USH2A: variants seen among roughly 807,000 people sequenced by gnomAD.
The protein encoded by USH2A is usherin, also known as Usher syndrome 2A (autosomal recessive, mild).
Under a neutral mutation model 538.9 loss-of-function variants are expected in USH2A, and 443 were observed. The observed-to-expected ratio is 0.82, with a 90% CI of 0.76 to 0.89. The LOEUF (loss-of-function observed/expected upper bound fraction) is 0.89. Among genes scored for constraint, USH2A ranks in the 40% least tolerant of loss-of-function variants. The pLI is 0.00. For missense variants in USH2A, 6,633 were observed against 6,324.8 expected (o/e 1.05, Z -1.65); for synonymous variants, 2,413 against 2,273.5 (o/e 1.06, Z -1.75).
At chr1:215,877,681 C>A (rs1040590140) in intron 43 of USH2A, 77 bp downstream of exon 43, 1 of 1,597,662 alleles carries the variant, frequency 6.3e-7, no homozygotes, top group African/African-American at 1.3e-5. Context: ...ACAATGAAGA[C>A]ACTGAGATAC....
At chr1:215,969,705 C>A (rs947671431) in intron 36 of USH2A, among the ~76,000 whole-genome samples, 4 of 152,044 alleles carry the variant, frequency 2.6e-5, no homozygotes, top group African/African-American at 9.7e-5. Flanking sequence ...GCTTGGAAAG[C>A]AACCAATCTC....
chr1:216,038,553 T>C (rs1268881172), intron 32 of USH2A, among the ~76,000 whole-genome samples: 1 of 152,036 alleles, frequency 6.6e-6, no homozygotes, highest in Non-Finnish European at 1.5e-5. Flanking sequence ...GTTTATGGTG[T>C]CAACACTCAG....
At position 216,323,587 on chromosome 1, in the gene USH2A, G is replaced by A. The variant is rs780470999; in HGVS notation, c.1437C>T (p.Phe479=). The A allele has an allele frequency of 1.4e-5, 22 of 1,613,352 alleles. No homozygotes were observed. Among genetic ancestry groups the A allele is most frequent in the South Asian group, 2.2e-5 (2 of 91,070 alleles). The change falls in exon 8 of 72, where the codon TTC becomes TTT. Residue 479 remains phenylalanine, a synonymous_variant. Coordinates refer to ENST00000307340, the MANE Select transcript of USH2A (RefSeq NM_206933.4). ...NFYNTPSLQE[F]VKATQIRFHF... ...GAAACCTTATTTGCGTGGCTTTTAC[G>A]AACTCTTGAAGAGATGGGGTATTAT... is the stretch of plus-strand genomic sequence containing the variant.
intron 32 of USH2A, among the ~76,000 whole-genome samples, chr1:216,005,143 T>C (rs570484638): frequency 6.6e-6 from 1 of 152,282 alleles, no homozygotes; most frequent in East Asian, 1.9e-4. Flanking sequence ...CATTATTCTG[T>C]TCTTCTAACA....
chr1:216,221,738 C>G (rs1013451987), intron 14 of USH2A, among the ~76,000 whole-genome samples: 1 of 152,212 alleles, frequency 6.6e-6, no homozygotes, highest in African/African-American at 2.4e-5. Context: ...AACACTGTCT[C>G]TTTCTCCTTT....
chr1:216,081,185 T>C (rs1271309085), intron 26 of USH2A, among the ~76,000 whole-genome samples: 3 of 152,108 alleles, frequency 2.0e-5, no homozygotes, highest in South Asian at 2.1e-4. Context: ...GATCAGGGTA[T>C]TGGTAGAAAT....
intron 3 of USH2A, among the ~76,000 whole-genome samples, chr1:216,410,835 C>T (rs1175911755): frequency 1.3e-5 from 2 of 152,098 alleles, no homozygotes; most frequent in Non-Finnish European, 2.9e-5. Flanking sequence ...AAACTCCTCT[C>T]AAAGCTGACC....
chr1:216,114,645 A>G (rs1361989424), intron 21 of USH2A, among the ~76,000 whole-genome samples: 1 of 152,208 alleles, frequency 6.6e-6, no homozygotes. Flanking sequence ...TAAAAGAGGA[A>G]GAAAGCAGTC....
In USH2A at chr1:215,634,675, CTTTTTCCCAGGAGTTGTT is replaced by C. The variant is rs1656419688; in HGVS notation, c.15063_15080del (p.Thr5022_Lys5027del). The C allele has an allele frequency of 3.1e-6, 5 of 1,614,244 alleles. No individual in the cohort carries two copies. Among genetic ancestry groups the C allele is most frequent in the Non-Finnish European group, 4.2e-6 (5 of 1,180,054 alleles). ...CTGTGCTTTTGCTCCGCGATCCCTT[CTTTTTCCCAGGAGTTGTT>C]AGGACCAAGCCTGCAAAACCCAGAG... On this transcript the variant is annotated inframe_deletion, in exon 70 of 72. Coordinates refer to ENST00000307340, the MANE Select transcript of USH2A (RefSeq NM_206933.4).
intron 11 of USH2A, among the ~76,000 whole-genome samples, chr1:216,283,231 C>T (rs2036816141): frequency 6.6e-6 from 1 of 152,048 alleles, no homozygotes; most frequent in African/African-American, 2.4e-5. Flanking sequence ...GGACTACAGG[C>T]ACCCACCACC....
At chr1:215,725,887 C>A (rs1403976661) in intron 61 of USH2A, among the ~76,000 whole-genome samples, 1 of 152,074 alleles carries the variant, frequency 6.6e-6, no homozygotes, top group Non-Finnish European at 1.5e-5. Flanking sequence ...AAATAAAGAA[C>A]AGAGTTCATG....
At chr1:216,112,451 A>T (rs2032897972) in intron 21 of USH2A, among the ~76,000 whole-genome samples, 1 of 152,152 alleles carries the variant, frequency 6.6e-6, no homozygotes, top group African/African-American at 2.4e-5. Context: ...AAAACAAAGA[A>T]ATGTGTTTTA....
Position 215,999,061 on chromosome 1 carries a change from G to A in USH2A, c.6486-3C>T, listed in dbSNP as rs1558203162. The A allele has an allele frequency of 6.2e-7, 1 of 1,608,650 alleles. No homozygotes were observed. The highest frequency in any genetic ancestry group is 1.7e-5 in the Admixed American group (1 of 59,886). On this transcript the variant is annotated splice_region_variant and splice_polypyrimidine_tract_variant and intron_variant, in intron 33 of 71. Transcript: ENST00000307340. ...TTATTTTTCTTGGTTGTTTCCACCT[G>A]GGAATGGTAAAATACATTATTATCA... is the stretch of plus-strand genomic sequence containing the variant.
rs1376164816 is a variant in USH2A at position 216,325,403 on chromosome 1, CATT to C, written c.1042_1044del (p.Asn348del). The C allele has an allele frequency of 1.2e-6, 2 of 1,613,880 alleles. No homozygotes were observed. Among genetic ancestry groups the C allele is most frequent in the South Asian group, 2.2e-5 (2 of 91,078 alleles). ...TTTGAAACCCATGAAGTACCAACATCATTATCATTGACAAAAGAGAGAGGATGG... is the reference window on the plus strand; with the variant it reads ...TTTGAAACCCATGAAGTACCAACATCATCATTGACAAAAGAGAGAGGATGG... On this transcript the variant is annotated inframe_deletion, in exon 6 of 72. Coordinates refer to ENST00000307340, the MANE Select transcript of USH2A (RefSeq NM_206933.4).
At chr1:216,322,550 C>T (rs535185652) in intron 8 of USH2A, among the ~76,000 whole-genome samples, 7 of 143,954 alleles carry the variant, frequency 4.9e-5, no homozygotes, top group South Asian at 4.3e-4. Flanking sequence ...GAGGTTGCAA[C>T]GAGCCATGAT....
rs1356360054 is a variant in USH2A at position 216,012,054 on chromosome 1, T to TCGG, written c.6326-11495_6326-11493dup. 5.5e-5 allele frequency among the ~76,000 whole-genome samples: 4 copies of TCGG among 72,412 alleles called. 1 individual carries two copies. Among genetic ancestry groups the TCGG allele is most frequent in the Non-Finnish European group, 1.1e-4 (4 of 35,784 alleles). 47.5% of individuals were successfully genotyped at this position (72,412 alleles called of 152,430 possible). A position where few individuals can be genotyped will look rare whatever the true frequency, so the allele number is the denominator to read the frequency against. On this transcript the variant is annotated intron_variant, in intron 32 of 71. Transcript: ENST00000307340. ...GACTGCGGACTGCAGTGGCGCAATC[T>TCGG]CGGCTCACTGCAAGCTCCGCTTCCC...
chr1:216,362,364 A>G (rs1213186534), intron 4 of USH2A, among the ~76,000 whole-genome samples: 1 of 152,142 alleles, frequency 6.6e-6, no homozygotes, highest in Non-Finnish European at 1.5e-5. Flanking sequence ...ATGGCCAAAT[A>G]ATTCTGAGTC....
chr1:215,764,029 A>T (rs10495005), intron 56 of USH2A, among the ~76,000 whole-genome samples: 2 of 152,088 alleles, frequency 1.3e-5, no homozygotes, highest in Non-Finnish European at 2.9e-5. Flanking sequence ...GTGGAGTGGA[A>T]GAATTAAGTG....
In USH2A at chr1:215,868,850, C is replaced by G. The variant is rs554786479; in HGVS notation, c.8682-1680G>C. On this transcript the variant is annotated intron_variant, in intron 43 of 71. Coordinates refer to ENST00000307340, the MANE Select transcript of USH2A (RefSeq NM_206933.4). ...TAGGGCTACCAGAAGTTGGAAGAGG[C>G]AAGAAAGGGTTCTTCTACAGAGCTT... Among the ~76,000 whole-genome samples, 4 of 152,294 alleles carry G rather than the reference C, an allele frequency of 2.6e-5. No individual in the cohort carries two copies. The East Asian group carries it at 5.8e-4, about 22-fold the overall frequency.
Sources: gnomAD v4.1 joint callset for allele counts (sites outside exome capture counted in the v4.1 genomes callset) on GRCh38, gnomAD v4.1.1 for gene constraint, MANE v1.5 for transcripts, NCBI Gene and HGNC (gene_info 2026-07-23, HGNC 2026-07-21) for gene names.